CPED1: variants seen among roughly 807,000 people sequenced by gnomAD.
CPED1 encodes cadherin-like and PC-esterase domain-containing protein 1.
In CPED1, 114 loss-of-function variants were observed where a neutral mutation model predicts 128.2. The ratio of observed to expected loss-of-function variants is 0.89; its 90% CI spans 0.76 to 1.04. The LOEUF is 1.04. Ranked by LOEUF, CPED1 falls within the 50% of genes least tolerant of loss-of-function variation. CPED1 has a pLI of 0.00. For synonymous variants in CPED1, 462 were observed against 426.7 expected (o/e 1.08, Z -1.02); for missense variants, 1,211 against 1,207.1 (o/e 1.00, Z -0.05).
intron 16 of CPED1, among the ~76,000 whole-genome samples, chr7:121,158,864 C>G (rs1053147794): frequency 9.0e-4 from 137 of 152,218 alleles, no homozygotes; most frequent in African/African-American, 3.2e-3. Context: ...AACAGCCAAT[C>G]CATATTTAAA....
rs1562986451 is a variant in CPED1, at chr7:120,997,934, AAAT to A, written c.249+8067_249+8069del. 1.6e-3 allele frequency among the ~76,000 whole-genome samples: 210 copies of A among 128,472 alleles called. 2 individuals are homozygous for A. The highest frequency in any genetic ancestry group is 6.4e-3 in the African/African-American group (201 of 31,316). The allele number at this position is 128,472 out of a possible 152,430, so 84.3% of individuals were successfully genotyped here. On this transcript the variant is annotated intron_variant, in intron 2 of 22. Transcript: ENST00000310396. ...CAAAACTCGGTCTCGAAAAAAAATAAAATAAAATAAAATAAAATAAAATAAAAT... is the reference window on the plus strand; with the variant it reads ...CAAAACTCGGTCTCGAAAAAAAATAAAAAATAAAATAAAATAAAATAAAAT...
At chr7:121,281,718 G>A (rs1792468686) in intron 22 of CPED1, among the ~76,000 whole-genome samples, 1 of 152,014 alleles carries the variant, frequency 6.6e-6, no homozygotes, top group Admixed American at 6.6e-5. Flanking sequence ...AATTTCTATA[G>A]TCAGTATATT....
chr7:121,020,646 C>T (rs1792416863), intron 3 of CPED1, among the ~76,000 whole-genome samples: 2 of 151,718 alleles, frequency 1.3e-5, no homozygotes, highest in South Asian at 2.1e-4. Context: ...TATATAATAA[C>T]AAAATTAATA....
At chr7:121,215,202 C>G (rs572646224) in intron 16 of CPED1, among the ~76,000 whole-genome samples, 2 of 152,008 alleles carry the variant, frequency 1.3e-5, no homozygotes, top group African/African-American at 4.8e-5. Context: ...AGTGTCCCAG[C>G]TCCATCCTTT....
chr7:121,091,497 T>C (rs1194982197), intron 5 of CPED1, among the ~76,000 whole-genome samples: 1 of 152,164 alleles, frequency 6.6e-6, no homozygotes, highest in East Asian at 1.9e-4. Context: ...AGTGTTAAAC[T>C]CAAAAGGAAT....
At chr7:121,289,086 C>T (rs991321297) in intron 22 of CPED1, among the ~76,000 whole-genome samples, 1 of 152,028 alleles carries the variant, frequency 6.6e-6, no homozygotes, top group Non-Finnish European at 1.5e-5. Flanking sequence ...GACCCTGGGA[C>T]CTAGACTATT....
At chr7:121,283,845 C>A (rs1045014337) in intron 22 of CPED1, among the ~76,000 whole-genome samples, 9 of 152,208 alleles carry the variant, frequency 5.9e-5, no homozygotes, top group Non-Finnish European at 1.0e-4. Context: ...ACTGTCTGTG[C>A]AGAGCCTTAT....
intron 16 of CPED1, among the ~76,000 whole-genome samples, chr7:121,156,460 A>C (rs1409485832): frequency 6.6e-6 from 1 of 152,216 alleles, no homozygotes; most frequent in Non-Finnish European, 1.5e-5. Context: ...AGATGAGTGG[A>C]TAAAGAAAAC....
At chr7:121,183,530 A>G (rs1200298343) in intron 16 of CPED1, among the ~76,000 whole-genome samples, 2 of 152,138 alleles carry the variant, frequency 1.3e-5, no homozygotes, top group Non-Finnish European at 2.9e-5. Flanking sequence ...TAAGGTACAG[A>G]TTTTGTTTCC....
intron 22 of CPED1, among the ~76,000 whole-genome samples, chr7:121,285,956 TCA>T (rs1443744065): frequency 6.6e-6 from 1 of 152,210 alleles, no homozygotes; most frequent in Admixed American, 6.5e-5. Flanking sequence ...TAGTCTGTTC[TCA>T]CACTGCTGTG....
At position 121,266,349 on chromosome 7, in the gene CPED1, T is replaced by C. The variant is rs1165958218; in HGVS notation, c.2433T>C (p.Gly811=). Residue 811 remains glycine (G), a synonymous_variant, in exon 19 of 23, where the codon GGT becomes GGC. Coordinates refer to ENST00000310396, the MANE Select transcript of CPED1 (RefSeq NM_024913.5). ...CTAAATTCTATCACAACGTCAATGG[T>C]GGGAAGACTTTGATCAGTTATTCCT... ...HGTKFYHNVN[G]GKTLISYSYY... The C allele has an allele frequency of 6.2e-7, 1 of 1,613,012 alleles. No homozygotes were observed. Among genetic ancestry groups the C allele is most frequent in the Non-Finnish European group, 8.5e-7 (1 of 1,179,392 alleles).
rs577944237 is a variant in CPED1, at chr7:121,021,794, C to T, written c.433+5946C>T. On this transcript the variant is annotated intron_variant, in intron 3 of 22. Transcript: ENST00000310396. ...TGGTACATAGTAATCACCCCATAAA[C>T]GGGAGATAATATTGTTACTGCTGTC... Among the ~76,000 whole-genome samples, 6 of 151,924 alleles carry T rather than the reference C, an allele frequency of 3.9e-5. No individual in the cohort carries two copies. The East Asian group carries it at 5.8e-4, about 15-fold the overall frequency.
chr7:121,289,928 G>A (rs1321491769), intron 22 of CPED1, among the ~76,000 whole-genome samples: 4 of 152,006 alleles, frequency 2.6e-5, no homozygotes, highest in Non-Finnish European at 4.4e-5. Flanking sequence ...TCTACAGTAG[G>A]TATTTCTCCT....
At chr7:121,222,798 A>T (rs1163878342) in intron 16 of CPED1, among the ~76,000 whole-genome samples, 1 of 152,174 alleles carries the variant, frequency 6.6e-6, no homozygotes, top group Non-Finnish European at 1.5e-5. Context: ...ATTTTTGCAC[A>T]TTGATTTTGT....
intron 7 of CPED1, among the ~76,000 whole-genome samples, chr7:121,106,532 C>A (rs1794979138): frequency 6.6e-6 from 1 of 151,986 alleles, no homozygotes; most frequent in Admixed American, 6.6e-5. Flanking sequence ...AGTGTGAAAT[C>A]AGGTGAGGTA....
At chr7:121,078,336 C>T (rs979743074) in intron 5 of CPED1, among the ~76,000 whole-genome samples, 2 of 152,032 alleles carry the variant, frequency 1.3e-5, no homozygotes, top group East Asian at 1.9e-4. Context: ...AGCCACTGCA[C>T]GTGGCCTGAT....
At chr7:121,154,610 A>C (rs542413595) in intron 16 of CPED1, among the ~76,000 whole-genome samples, 16 of 152,188 alleles carry the variant, frequency 1.1e-4, no homozygotes, top group South Asian at 2.1e-4. Context: ...CAGTGGCACA[A>C]TCTTGGCTCA....
chr7:121,240,277 G>A (rs573399912), intron 17 of CPED1, among the ~76,000 whole-genome samples: 1 of 152,236 alleles, frequency 6.6e-6, no homozygotes, highest in South Asian at 2.1e-4. Context: ...GCCAAAGTGG[G>A]CCTCAGTTTT....
At chr7:121,295,312 T>C in intron 22 of CPED1, 128 bp from the exon 23 acceptor site, 1 of 1,131,766 alleles carries the variant, frequency 8.8e-7, no homozygotes, top group Non-Finnish European at 1.2e-6. Context: ...CCTGGTTATG[T>C]AAGTCATAGT....
Sources: gnomAD v4.1 joint callset for allele counts (sites outside exome capture counted in the v4.1 genomes callset) on GRCh38, gnomAD v4.1.1 for gene constraint, MANE v1.5 for transcripts, NCBI Gene and HGNC (gene_info 2026-07-23, HGNC 2026-07-21) for gene names.